FAM72B: variants seen among roughly 807,000 people sequenced by gnomAD.
FAM72B encodes protein FAM72B.
FAM72B carries 4 observed loss-of-function variants against 12.6 expected under a neutral mutation model. That is an observed-to-expected ratio of 0.32 (90% CI 0.16 to 0.73). The LOEUF (loss-of-function observed/expected upper bound fraction) is 0.73. Ranked by LOEUF, FAM72B falls within the 30% of genes least tolerant of loss-of-function variation. The probability of loss-of-function intolerance (pLI) is 0.67; values close to 1 mark genes in which losing one functional copy is unlikely to be tolerated. For synonymous variants in FAM72B, 13 were observed against 53.9 expected (o/e 0.24, Z 3.32); for missense variants, 61 against 158.4 (o/e 0.39, Z 3.30).
chr1:121,173,001 C>T (rs9331192), intron 3 of FAM72B, among the ~76,000 whole-genome samples: 23 of 135,848 alleles, frequency 1.7e-4, no homozygotes, highest in East Asian at 1.5e-3. Flanking sequence ...CGCTTGAACC[C>T]GGGAGGCAGA....
At position 121,168,716 on chromosome 1, in the gene FAM72B, T is replaced by C. The variant is rs782417250; in HGVS notation, c.*25A>G. 1 of 1,435,526 alleles carries C rather than the reference T, an allele frequency of 7.0e-7. No individual in the cohort carries two copies. The highest frequency in any genetic ancestry group is 1.5e-5 in the South Asian group (1 of 65,668). 88.9% of individuals were successfully genotyped at this position (1,435,526 alleles called of 1,614,324 possible). On this transcript the variant is annotated 3_prime_UTR_variant, in exon 4 of 4. Coordinates refer to ENST00000369390, the MANE Select transcript of FAM72B (RefSeq NM_001100910.2). ...ATATTTTTAAATAGAAAAAAGTTTG[T>C]ATATCATATATATCATAATTCCATT... is the stretch of plus-strand genomic sequence containing the variant.
intron 1 of FAM72B, among the ~76,000 whole-genome samples, chr1:121,182,172 T>C (rs1280919453): frequency 2.0e-5 from 3 of 151,942 alleles, no homozygotes; most frequent in African/African-American, 7.3e-5. Context: ...TTTCCCTTTT[T>C]TGAAATACAT....
chr1:121,173,175 A>C (rs1654138874), intron 3 of FAM72B, among the ~76,000 whole-genome samples: 1 of 141,112 alleles, frequency 7.1e-6, no homozygotes, highest in East Asian at 2.2e-4. Context: ...GTACTTTCTT[A>C]CTAAAATAAT....
At chr1:121,181,015 C>T (rs1195720878) in intron 2 of FAM72B, among the ~76,000 whole-genome samples, 8 of 151,854 alleles carry the variant, frequency 5.3e-5, no homozygotes, top group Non-Finnish European at 1.0e-4. Context: ...TGTTTCTCCC[C>T]CCTAACCTAC....
At chr1:121,169,970 TC>T (rs1654056994) in intron 3 of FAM72B, among the ~76,000 whole-genome samples, 2 of 151,344 alleles carry the variant, frequency 1.3e-5, no homozygotes, top group Admixed American at 6.6e-5. Context: ...GAAAAGCAAA[TC>T]TTTTTTTTTT....
Position 121,176,735 on chromosome 1 carries a change from G to A in FAM72B, c.355+473C>T, listed in dbSNP as rs587594565. On this transcript the variant is annotated intron_variant, in intron 3 of 3. Coordinates refer to ENST00000369390, the MANE Select transcript of FAM72B (RefSeq NM_001100910.2). Reference sequence around the variant, plus strand: ...CCCTTGACTAAAATTCTGTCATAACGTATTAACATAGATGTCGAAATGTCT... The same window carrying A: ...CCCTTGACTAAAATTCTGTCATAACATATTAACATAGATGTCGAAATGTCT... 9.2e-4 allele frequency among the ~76,000 whole-genome samples: 139 copies of A among 151,004 alleles called. 1 individual carries two copies. The highest frequency in any genetic ancestry group is 6.8e-3 in the Middle Eastern group (2 of 292).
intron 3 of FAM72B, 39 bp from the exon 4 acceptor site, chr1:121,168,874 A>G: frequency 6.3e-7 from 1 of 1,578,210 alleles, no homozygotes; most frequent in South Asian, 1.1e-5. Context: ...AATGCTTACT[A>G]CTGTTATAAC....
intron 2 of FAM72B, among the ~76,000 whole-genome samples, chr1:121,180,786 G>A (rs1553317530): frequency 6.6e-6 from 1 of 151,332 alleles, no homozygotes; most frequent in Non-Finnish European, 1.5e-5. Context: ...TTGAGCCCAG[G>A]AGTTCAAGGC....
intron 3 of FAM72B, among the ~76,000 whole-genome samples, chr1:121,173,028 G>T: frequency 7.4e-6 from 1 of 134,864 alleles, no homozygotes; most frequent in African/African-American, 2.8e-5. Context: ...CATGAGCCAA[G>T]ATGACACCAT....
At chr1:121,179,595 A>T (rs1276607653) in intron 2 of FAM72B, among the ~76,000 whole-genome samples, 5 of 152,324 alleles carry the variant, frequency 3.3e-5, no homozygotes, top group Non-Finnish European at 4.4e-5. Context: ...AGGGAGGCCA[A>T]GGCAGGTGGT....
intron 1 of FAM72B, chr1:121,182,961 G>GA (rs1441766684): frequency 3.4e-5 from 3 of 87,510 alleles, no homozygotes; most frequent in African/African-American, 1.3e-4. Flanking sequence ...GGATAAAAAT[G>GA]AAAAACTTAA....
intron 3 of FAM72B, among the ~76,000 whole-genome samples, chr1:121,173,113 C>T (rs1162159379): frequency 6.7e-6 from 1 of 149,700 alleles, no homozygotes; most frequent in East Asian, 1.9e-4. Flanking sequence ...TTCAGTGCCT[C>T]AGCACCTTAA....
intron 3 of FAM72B, among the ~76,000 whole-genome samples, chr1:121,174,893 C>T (rs1248271540): frequency 6.6e-6 from 1 of 151,912 alleles, no homozygotes. Flanking sequence ...GGTGATCCAT[C>T]CACCTCGGCC....
chr1:121,170,095 C>T (rs1184122080), intron 3 of FAM72B, among the ~76,000 whole-genome samples: 10 of 152,088 alleles, frequency 6.6e-5, no homozygotes, highest in African/African-American at 1.4e-4. Flanking sequence ...CTCAGCCTCC[C>T]GAGTAGCTGG....
chr1:121,177,148 A>G, intron 3 of FAM72B, 60 bp downstream of exon 3: 1 of 1,566,970 alleles, frequency 6.4e-7, no homozygotes, highest in Non-Finnish European at 8.7e-7. Flanking sequence ...TCTATTGGGA[A>G]TTTTACTCAG....
At chr1:121,176,817 C>T (rs1205022440) in intron 3 of FAM72B, among the ~76,000 whole-genome samples, 1 of 152,220 alleles carries the variant, frequency 6.6e-6, no homozygotes, top group African/African-American at 2.4e-5. Context: ...CTCCTCTCAA[C>T]TCCCATTGCC....
intron 2 of FAM72B, among the ~76,000 whole-genome samples, chr1:121,179,873 C>A (rs1483550463): frequency 6.9e-6 from 1 of 144,076 alleles, no homozygotes; most frequent in Admixed American, 6.8e-5. Context: ...TGTCCAAAGG[C>A]CAGTGACTTC....
At chr1:121,170,162 G>A (rs1406981756) in intron 3 of FAM72B, among the ~76,000 whole-genome samples, 12 of 150,358 alleles carry the variant, frequency 8.0e-5, no homozygotes, top group African/African-American at 1.2e-4. Context: ...GTAGAGATGG[G>A]GTTTCACCAC....
rs1553315615 is a variant in FAM72B, at chr1:121,168,335, A to T, written c.*406T>A. On this transcript the variant is annotated 3_prime_UTR_variant, in exon 4 of 4. Transcript: ENST00000369390. Reference sequence around the variant, plus strand: ...CTTGTTTTTTTAATCCCCTATTAAAACTCAGTTGAACTTGATATATGCATG... The same window carrying T: ...CTTGTTTTTTTAATCCCCTATTAAATCTCAGTTGAACTTGATATATGCATG... 6.4e-6 allele frequency: 1 copy of T among 155,040 alleles called. No homozygotes were observed. Among genetic ancestry groups the T allele is most frequent in the African/African-American group, 2.4e-5 (1 of 41,414 alleles). 9.6% of individuals were successfully genotyped at this position (155,040 alleles called of 1,614,324 possible).
Sources: gnomAD v4.1 joint callset for allele counts (sites outside exome capture counted in the v4.1 genomes callset) on GRCh38, gnomAD v4.1.1 for gene constraint, MANE v1.5 for transcripts, NCBI Gene and HGNC (gene_info 2026-07-23, HGNC 2026-07-21) for gene names.